The following CREB5 variants were observed in gnomAD, a reference collection of about 807,000 sequenced individuals.
The protein encoded by CREB5 is cyclic AMP-responsive element-binding protein 5.
CREB5 carries 19 observed loss-of-function variants against 57.1 expected under a neutral mutation model. The ratio of observed to expected loss-of-function variants is 0.33; its 90% confidence interval spans 0.23 to 0.49. The LOEUF (loss-of-function observed/expected upper bound fraction) is 0.49, where lower values mean the gene tolerates loss of function less well. Ranked by LOEUF, CREB5 falls within the 20% of genes least tolerant of loss-of-function variation. The pLI, the probability that CREB5 is intolerant of heterozygous loss-of-function variation, is 0.99. For missense variants in CREB5, 579 were observed against 671.6 expected, an observed-to-expected ratio of 0.86 and a Z score of 1.52; for synonymous variants, 238 against 238.3, an observed-to-expected ratio of 1.00 and a Z score of 0.01.
chr7:28,400,993 A>G (rs775725639), intron 1 of CREB5, among the ~76,000 whole-genome samples: 3 of 152,214 alleles, frequency 2.0e-5, no homozygotes, highest in Admixed American at 1.3e-4. Flanking sequence ...CTTTCCACTT[A>G]CCATTGATCT....
intron 1 of CREB5, among the ~76,000 whole-genome samples, chr7:28,465,122 G>T (rs1243369432): frequency 2.6e-5 from 4 of 152,214 alleles, no homozygotes; most frequent in Admixed American, 2.6e-4. Flanking sequence ...ATGCTAATGG[G>T]AGGGATATCA....
chr7:28,618,175 C>T (rs1797665239), intron 5 of CREB5, among the ~76,000 whole-genome samples: 1 of 152,106 alleles, frequency 6.6e-6, no homozygotes, highest in Admixed American at 6.5e-5. Context: ...CCTGAGGGTA[C>T]ACTGAGCCAG....
At chr7:28,452,997 A>C (rs1414396095) in intron 1 of CREB5, among the ~76,000 whole-genome samples, 1 of 152,238 alleles carries the variant, frequency 6.6e-6, no homozygotes, top group Non-Finnish European at 1.5e-5. Flanking sequence ...GTGAATGTGC[A>C]GCCCGACATG....
chr7:28,463,906 C>T (rs764970909), intron 1 of CREB5, among the ~76,000 whole-genome samples: 1 of 152,094 alleles, frequency 6.6e-6, no homozygotes, highest in Non-Finnish European at 1.5e-5. Context: ...AATCTGGATA[C>T]CTTTTATTTC....
chr7:28,773,181 T>A (rs1190325953), intron 7 of CREB5, among the ~76,000 whole-genome samples: 2 of 151,842 alleles, frequency 1.3e-5, no homozygotes, highest in African/African-American at 2.4e-5. Context: ...AAAAAAAAAA[T>A]CACTTTAAGA....
intron 1 of CREB5, among the ~76,000 whole-genome samples, chr7:28,360,364 C>T (rs1027511160): frequency 6.6e-6 from 1 of 152,112 alleles, no homozygotes; most frequent in African/African-American, 2.4e-5. Context: ...GGTATCTATC[C>T]ACAATGGAAT....
chr7:28,667,038 G>A (rs919868307), intron 5 of CREB5, among the ~76,000 whole-genome samples: 1 of 152,018 alleles, frequency 6.6e-6, no homozygotes, highest in Non-Finnish European at 1.5e-5. Context: ...CCAGCGACAA[G>A]ACTTGGGGAT....
At position 28,804,302 on chromosome 7, in the gene CREB5, C is replaced by T. The variant is rs565546192; in HGVS notation, c.806C>T (p.Thr269Met). Residue 269 changes from threonine (T) to methionine (M), a missense_variant, in exon 8 of 11, where the codon ACG becomes ATG. Thr to Met is a moderately conservative substitution (Grantham distance 81). Around this residue, in one of 3 missense-constraint regions of CREB5, gnomAD observed 459 missense variants for 515.7 expected, o/e 0.89. Coordinates refer to ENST00000357727, the MANE Select transcript of CREB5 (RefSeq NM_182898.4). Reference protein sequence around the residue: ...MEMMGSRQDQTPHHHMHSHPH... With the variant: ...MEMMGSRQDQMPHHHMHSHPH... ...ATGATGGGCTCCCGGCAGGACCAGACGCCACACCATCACATGCACTCGCAC... is the reference window on the plus strand; with the variant it reads ...ATGATGGGCTCCCGGCAGGACCAGATGCCACACCATCACATGCACTCGCAC... 40 of 1,613,880 alleles carry T rather than the reference C, an allele frequency of 2.5e-5. No individual in the cohort carries two copies. The highest frequency in any genetic ancestry group is 1.5e-4 in the Admixed American group (9 of 59,976).
At chr7:28,309,727 T>C (rs1785243527) in intron 1 of CREB5, among the ~76,000 whole-genome samples, 1 of 152,210 alleles carries the variant, frequency 6.6e-6, no homozygotes, top group African/African-American at 2.4e-5. Context: ...TTAGAAATGA[T>C]GTTTGGATTT....
chr7:28,676,538 C>T (rs941390553), intron 5 of CREB5, among the ~76,000 whole-genome samples: 2 of 152,152 alleles, frequency 1.3e-5, no homozygotes, highest in African/African-American at 4.8e-5. Context: ...TAGACTGGCC[C>T]TTTCTCCTCT....
intron 5 of CREB5, among the ~76,000 whole-genome samples, chr7:28,655,425 G>A (rs1206004722): frequency 6.6e-6 from 1 of 152,052 alleles, no homozygotes; most frequent in African/African-American, 2.4e-5. Flanking sequence ...TGGGCTGTGT[G>A]GCCATCCTGC....
chr7:28,302,805 C>T (rs894076529), intron 1 of CREB5, among the ~76,000 whole-genome samples: 3 of 152,176 alleles, frequency 2.0e-5, no homozygotes, highest in African/African-American at 7.2e-5. Flanking sequence ...CAGAAAACCA[C>T]ATCTGTTTGG....
chr7:28,740,164 G>A (rs977247129), intron 7 of CREB5, among the ~76,000 whole-genome samples: 5 of 152,162 alleles, frequency 3.3e-5, no homozygotes, highest in East Asian at 1.9e-4. Flanking sequence ...CAATAGGTAA[G>A]GGAACTAGGA....
chr7:28,612,750 A>G (rs1282702907), intron 5 of CREB5, among the ~76,000 whole-genome samples: 2 of 152,192 alleles, frequency 1.3e-5, no homozygotes, highest in Non-Finnish European at 2.9e-5. Context: ...GCAAGCCAGT[A>G]ATAAATTTCG....
Position 28,819,506 on chromosome 7 carries a change from T to C in CREB5, c.*227T>C. The C allele has an allele frequency of 2.2e-6, 1 of 450,122 alleles. No homozygotes were observed. The highest frequency in any genetic ancestry group is 3.9e-5 in the East Asian group (1 of 25,818). The allele number at this position is 450,122 out of a possible 1,614,324, so 27.9% of individuals were successfully genotyped here. The stretch of plus-strand genomic sequence containing the variant: ...ATCAGCTTGGGAAACGCTTTGGTGC[T>C]TTTCTCCAGTTTTCTGGTACCAGTT... On this transcript the variant is annotated 3_prime_UTR_variant, in exon 11 of 11. Coordinates refer to ENST00000357727, the MANE Select transcript of CREB5 (RefSeq NM_182898.4).
intron 1 of CREB5, among the ~76,000 whole-genome samples, chr7:28,334,990 T>C: frequency 6.6e-6 from 1 of 152,230 alleles, no homozygotes. Flanking sequence ...CTTGTCACTC[T>C]CATCCAAAAG....
intron 5 of CREB5, among the ~76,000 whole-genome samples, chr7:28,613,891 T>C (rs925969029): frequency 6.6e-6 from 1 of 152,180 alleles, no homozygotes; most frequent in Non-Finnish European, 1.5e-5. Flanking sequence ...AGTTGGAACA[T>C]TTAGATCAGC....
At chr7:28,587,093 A>G (rs1796331370) in intron 5 of CREB5, among the ~76,000 whole-genome samples, 1 of 152,264 alleles carries the variant, frequency 6.6e-6, no homozygotes, top group Admixed American at 6.5e-5. Context: ...CATTTATGGG[A>G]TTCTAAATCA....
At chr7:28,560,969 T>TGTGCTCGTGTGCGTGCGTGCGC (rs1795220519) in intron 4 of CREB5, among the ~76,000 whole-genome samples, 5 of 24,956 alleles carry the variant, frequency 2.0e-4, no homozygotes, top group African/African-American at 5.3e-4. Context: ...TGCGTGTGTG[T>TGTGCTCGTGTGCGTGCGTGCGC]GTGCGTGTGT....
Sources: gnomAD v4.1 joint callset for allele counts (sites outside exome capture counted in the v4.1 genomes callset) on GRCh38, gnomAD v4.1.1 for gene constraint, gnomAD v4.1.1 regional missense constraint, MANE v1.5 for transcripts, NCBI Gene and HGNC (gene_info 2026-07-23, HGNC 2026-07-21) for gene names.